SRP19: variants seen among roughly 807,000 people sequenced by gnomAD.
SRP19 encodes the protein signal recognition particle 19 kDa protein.
In SRP19, 11 loss-of-function variants were observed where a neutral mutation model predicts 22.4. The ratio of observed to expected loss-of-function variants is 0.49; its 90% CI spans 0.31 to 0.81. The LOEUF is 0.81. SRP19 is among the 40% of genes least tolerant of loss of function. The pLI is 0.05. For synonymous variants in SRP19, 61 were observed against 57.6 expected, an observed-to-expected ratio of 1.06 and a Z score of -0.27; for missense variants, 168 against 175.9, an observed-to-expected ratio of 0.96 and a Z score of 0.25.
chr5:112,894,289 T>G (rs1197970986), downstream of SRP19: 1 of 152,208 alleles, frequency 6.6e-6, no homozygotes, highest in Non-Finnish European at 1.5e-5. Context: ...CCAGCTAATT[T>G]TTTGTATTTT....
rs1315065453 is a variant in SRP19 at position 112,867,930 on chromosome 5, A to G, written c.*393A>G. On this transcript the variant is annotated 3_prime_UTR_variant, in exon 5 of 5. Transcript: ENST00000505459. ...TGACTTTTGCAGCTTTTGCTTATAT[A>G]CTAATGCTAGGAGAGGAGGGATAAT... The G allele has an allele frequency of 2.0e-6, 2 of 989,716 alleles. No homozygotes were observed. Among genetic ancestry groups the G allele is most frequent in the East Asian group, 2.2e-4 (2 of 9,010 alleles). 61.3% of individuals were successfully genotyped at this position (989,716 alleles called of 1,614,324 possible).
At chr5:112,892,836 A>C (rs1443510745) in exon 5 of SRP19, 1 of 1,613,828 alleles carries the variant, frequency 6.2e-7, no homozygotes, top group East Asian at 2.2e-5. Flanking sequence ...GAAATGGGGA[A>C]TCCGAGAGAA....
intron 4 of SRP19, among the ~76,000 whole-genome samples, chr5:112,866,655 A>G (rs184424480): frequency 6.6e-6 from 1 of 152,300 alleles, no homozygotes; most frequent in African/African-American, 2.4e-5. Context: ...TTTATATACT[A>G]AAACCCATCA....
chr5:112,862,685 CATTT>C (rs1423685113), intron 2 of SRP19, 102 bp downstream of exon 2: 2 of 1,003,758 alleles, frequency 2.0e-6, no homozygotes, highest in East Asian at 2.6e-5. Context: ...CTCTTCACTG[CATTT>C]ATTTAGGGCT....
exon 5 of SRP19, chr5:112,892,344 A>T (rs1460218057): frequency 6.2e-7 from 1 of 1,614,154 alleles, no homozygotes; most frequent in Non-Finnish European, 8.5e-7. Flanking sequence ...ACAGCGAGGA[A>T]GAAACCTACC....
At position 112,867,603 on chromosome 5, in the gene SRP19, T is replaced by C; in HGVS notation, c.*66T>C. 2 of 1,454,468 alleles carry C rather than the reference T, an allele frequency of 1.4e-6. No homozygotes were observed. The highest frequency in any genetic ancestry group is 1.8e-6 in the Non-Finnish European group (2 of 1,099,140). 90.1% of individuals were successfully genotyped at this position (1,454,468 alleles called of 1,614,324 possible). A position where few individuals can be genotyped will look rare whatever the true frequency, so the allele number is the denominator to read the frequency against. ...CATGAATGGAGACTTCTAATTTGTATCGGAGGGAAACAGAAGCTTTTTGTT... is the reference window on the plus strand; with the variant it reads ...CATGAATGGAGACTTCTAATTTGTACCGGAGGGAAACAGAAGCTTTTTGTT... On this transcript the variant is annotated 3_prime_UTR_variant, in exon 5 of 5. Coordinates refer to ENST00000505459, the MANE Select transcript of SRP19 (RefSeq NM_003135.3).
chr5:112,888,590 AT>A (rs199634306), intron 4 of SRP19, among the ~76,000 whole-genome samples: 1 of 120,076 alleles, frequency 8.3e-6, no homozygotes, highest in Non-Finnish European at 1.7e-5. Flanking sequence ...GGCCTGGCTA[AT>A]TTTTTATAAC....
At position 112,868,222 on chromosome 5, in the gene SRP19, A is replaced by C. The variant is rs1038876309; in HGVS notation, c.*685A>C. On this transcript the variant is annotated 3_prime_UTR_variant, in exon 5 of 5. Transcript: ENST00000505459. ...AAATTAACTGTGCTTTAGCACCTTGAGGTACACTTTCCTTCAACAAATGAA... is the reference window on the plus strand; with the variant it reads ...AAATTAACTGTGCTTTAGCACCTTGCGGTACACTTTCCTTCAACAAATGAA... The C allele has an allele frequency of 1.0e-6, 1 of 985,382 alleles. No individual in the cohort carries two copies. Among genetic ancestry groups the C allele is most frequent in the African/African-American group, 1.7e-5 (1 of 57,244 alleles). 61.0% of individuals were successfully genotyped at this position (985,382 alleles called of 1,614,324 possible).
intron 4 of SRP19, 126 bp from the exon 5 acceptor site, chr5:112,867,277 AT>A (rs201959031): frequency 1.7e-6 from 2 of 1,165,758 alleles, no homozygotes; most frequent in Non-Finnish European, 2.3e-6. Flanking sequence ...TTGATTTTTG[AT>A]TTTTTAAAAA....
intron 4 of SRP19, 111 bp from the exon 5 acceptor site, chr5:112,867,293 A>T: frequency 1.5e-6 from 2 of 1,304,120 alleles, no homozygotes; most frequent in East Asian, 2.4e-5. Context: ...TAAAAAAGTT[A>T]TTTTCCATTT....
At chr5:112,892,911 T>A in exon 5 of SRP19, 1 of 1,607,700 alleles carries the variant, frequency 6.2e-7, no homozygotes, top group Non-Finnish European at 8.5e-7. Flanking sequence ...AGAGGCACAA[T>A]TCACCAAGCA....
exon 5 of SRP19, chr5:112,892,407 G>A: frequency 6.2e-7 from 1 of 1,614,114 alleles, no homozygotes; most frequent in Non-Finnish European, 8.5e-7. Flanking sequence ...AGAACGTGGG[G>A]AAAGTGATTC....
chr5:112,891,716 C>T (rs1405930914), exon 5 of SRP19: 5 of 1,614,050 alleles, frequency 3.1e-6, no homozygotes, highest in Non-Finnish European at 4.2e-6. Flanking sequence ...AAGTACAGGG[C>T]CGCCCTGAAG....
intron 4 of SRP19, among the ~76,000 whole-genome samples, chr5:112,889,232 T>C (rs1443200633): frequency 6.7e-6 from 1 of 148,418 alleles, no homozygotes; most frequent in East Asian, 2.0e-4. Flanking sequence ...CAAGAGCTCA[T>C]CTCAAAAACA....
At chr5:112,893,158 C>G, downstream of SRP19, 1 of 685,214 alleles carries the variant, frequency 1.5e-6, no homozygotes, top group Non-Finnish European at 2.3e-6. Flanking sequence ...ACCTGTAATC[C>G]CAGCACTTTA....
exon 5 of SRP19, chr5:112,891,619 G>T (rs776981138): frequency 7.6e-6 from 12 of 1,582,670 alleles, no homozygotes; most frequent in Middle Eastern, 3.3e-4. Flanking sequence ...AATGTCTGAG[G>T]GGTCAGGCGG....
In SRP19 at chr5:112,862,548, A is replaced by T; in HGVS notation, c.82A>T (p.Thr28Ser). ...IYPAYLNNKKTIAEGRRIPIS... is the reference protein window; with the variant it reads ...IYPAYLNNKKSIAEGRRIPIS... ...TCCTGCTTATTTAAATAATAAGAAGACCATCGCAGAGGGAAGGCGAATCCC... is the reference window on the plus strand; with the variant it reads ...TCCTGCTTATTTAAATAATAAGAAGTCCATCGCAGAGGGAAGGCGAATCCC... Residue 28 changes from threonine (T) to serine (S), a missense_variant, in exon 2 of 5, where the codon ACC (threonine) becomes TCC (serine). Thr to Ser is a moderately conservative substitution (Grantham distance 58). Coordinates refer to ENST00000505459, the MANE Select transcript of SRP19 (RefSeq NM_003135.3). 2 of 1,613,996 alleles carry T rather than the reference A, an allele frequency of 1.2e-6. No homozygotes were observed. The highest frequency in any genetic ancestry group is 1.7e-6 in the Non-Finnish European group (2 of 1,179,950).
At chr5:112,864,756 T>C in intron 4 of SRP19, 24 bp downstream of exon 4, 1 of 1,559,020 alleles carries the variant, frequency 6.4e-7, no homozygotes, top group South Asian at 1.1e-5. Flanking sequence ...AATGAATCAG[T>C]GGGGCTCAGG....
intron 4 of SRP19, chr5:112,876,264 T>A (rs1050460032): frequency 6.6e-6 from 1 of 152,200 alleles, no homozygotes; most frequent in Non-Finnish European, 1.5e-5. Context: ...ACAAGCCATG[T>A]GAGGAATAGA....
Sources: allele counts gnomAD v4.1 joint callset (sites outside exome capture counted in the v4.1 genomes callset), GRCh38; gene constraint gnomAD v4.1.1; transcripts MANE v1.5; gene names NCBI Gene and HGNC (gene_info 2026-07-23, HGNC 2026-07-21).